The following COL4A4 variants were observed in gnomAD, a reference collection of about 807,000 sequenced individuals.
COL4A4 encodes collagen type IV alpha 4 chain.
In COL4A4, 105 loss-of-function variants were observed where a neutral mutation model predicts 192.9. That is an observed-to-expected ratio of 0.54 (90% CI 0.46 to 0.64). COL4A4 has a LOEUF of 0.64. Among genes scored for constraint, COL4A4 ranks in the 30% least tolerant of loss-of-function variants. The pLI is 0.00. For missense variants in COL4A4, 1,967 were observed against 2,169.3 expected (o/e 0.91, Z 1.85); for synonymous variants, 762 against 769.9 (o/e 0.99, Z 0.17).
Position 227,022,108 on chromosome 2 carries a change from C to T in COL4A4, c.4156G>A (p.Gly1386Ser). ...PRIPGLPGAPGMRGPEGAMGL... is the reference protein window; with the variant it reads ...PRIPGLPGAPSMRGPEGAMGL... ...ATGGCTCCTTCTGGTCCTCTCATGC[C>T]TGGCGCCCCAGGAAGGCCTGGGATT... The change falls in exon 44 of 48, where the codon GGC becomes AGC. Residue 1386 changes from glycine (G) to serine (S), a missense_variant. Gly to Ser is a moderately conservative substitution (Grantham distance 56). Coordinates refer to ENST00000396625, the MANE Select transcript of COL4A4 (RefSeq NM_000092.5). 6.2e-7 allele frequency: 1 copy of T among 1,614,178 alleles called. No homozygotes were observed. Among genetic ancestry groups the T allele is most frequent in the Non-Finnish European group, 8.5e-7 (1 of 1,180,034 alleles).
chr2:227,077,718 G>A (rs2059107881), intron 25 of COL4A4, among the ~76,000 whole-genome samples, 176 bp downstream of exon 25: 1 of 151,460 alleles, frequency 6.6e-6, no homozygotes, highest in Non-Finnish European at 1.5e-5. Flanking sequence ...AAAGAAGGAG[G>A]AGGGAGGAAA....
At chr2:227,077,317 AG>A (rs2059077614) in intron 25 of COL4A4, among the ~76,000 whole-genome samples, 1 of 152,204 alleles carries the variant, frequency 6.6e-6, no homozygotes, top group Non-Finnish European at 1.5e-5. Flanking sequence ...CCATAAAAAA[AG>A]AATGAGAACA....
rs1258281003 is a variant in COL4A4 at position 227,047,593 on chromosome 2, A to G, written c.3215-44T>C. On this transcript the variant is annotated intron_variant, in intron 34 of 47. Transcript: ENST00000396625. ...ATGTGACATTACTTTAGACAATTTA[A>G]TTTGGTCTCATACAGGTGACAGTAA... The G allele has an allele frequency of 3.7e-6, 5 of 1,348,446 alleles. No homozygotes were observed. In the East Asian group the frequency reaches 9.2e-5, roughly 25 times the overall value. 83.5% of individuals were successfully genotyped at this position (1,348,446 alleles called of 1,614,324 possible).
intron 25 of COL4A4, among the ~76,000 whole-genome samples, chr2:227,073,235 A>G (rs2058824776): frequency 6.6e-6 from 1 of 152,098 alleles, no homozygotes; most frequent in Non-Finnish European, 1.5e-5. Context: ...AATCAGTAGC[A>G]TTGCTATACA....
chr2:227,000,199 G>A (rs1326503776), downstream of COL4A4, among the ~76,000 whole-genome samples: 1 of 152,162 alleles, frequency 6.6e-6, no homozygotes, highest in African/African-American at 2.4e-5. Context: ...CAACCTCTCT[G>A]CTCTTCAGGG....
At chr2:226,987,890 C>T in the COL4A4 span, among the ~76,000 whole-genome samples, 2 of 152,188 alleles carry the variant, frequency 1.3e-5, no homozygotes, top group African/African-American at 2.4e-5. Context: ...CAATAATCTG[C>T]ATTTTGAACA....
chr2:227,150,605 G>A (rs1181838054), intron 1 of COL4A4, among the ~76,000 whole-genome samples: 1 of 152,200 alleles, frequency 6.6e-6, no homozygotes. Context: ...AAAGAAAAGA[G>A]GAGATTAATT....
At chr2:227,057,344 C>T in intron 29 of COL4A4, 95 bp downstream of exon 29, 1 of 1,428,122 alleles carries the variant, frequency 7.0e-7, no homozygotes, top group East Asian at 2.5e-5. Flanking sequence ...ACTCAGGACT[C>T]TTGCTTCTGG....
the COL4A4 span, among the ~76,000 whole-genome samples, chr2:226,983,049 T>A: frequency 6.6e-6 from 1 of 152,248 alleles, no homozygotes; most frequent in African/African-American, 2.4e-5. Context: ...AACCTACTTG[T>A]ACTAAACCAA....
intron 1 of COL4A4, among the ~76,000 whole-genome samples, chr2:227,156,395 T>TA (rs5839193): frequency 0.65 from 87,300 of 134,950 alleles, 27,786 homozygotes; most frequent in African/African-American, 0.75. Flanking sequence ...AAACCCCGTC[T>TA]AAAAAAAAAA....
At chr2:226,988,651 A>G in the COL4A4 span, 3 of 985,310 alleles carry the variant, frequency 3.0e-6, no homozygotes, top group East Asian at 2.3e-4. Context: ...TCTGAGAGGA[A>G]GGTAGGATTT....
intron 4 of COL4A4, among the ~76,000 whole-genome samples, chr2:227,139,119 C>A (rs1022314306): frequency 1.2e-4 from 19 of 152,154 alleles, no homozygotes; most frequent in African/African-American, 4.6e-4. Flanking sequence ...TTTCTCTCCA[C>A]CATATGAGGA....
rs541835572 is a variant in COL4A4, at chr2:227,050,087, A to G, written c.3195T>C (p.Asp1065=). Residue 1065 remains aspartate (D), a synonymous_variant, in exon 34 of 48, where the codon GAT becomes GAC. Transcript: ENST00000396625. ...CCATACCTTTAGGTCCTCTTGCTCC[A>G]TCAATTCCTGAAAATCCAGGGGGAC... ...SPGPPGFSGI[D]GARGPKGNKG... 3 of 1,614,204 alleles carry G rather than the reference A, an allele frequency of 1.9e-6. No individual in the cohort carries two copies. The highest frequency in any genetic ancestry group is 1.7e-5 in the Admixed American group (1 of 60,022).
the COL4A4 span, among the ~76,000 whole-genome samples, chr2:226,991,344 G>C: frequency 2.0e-4 from 31 of 152,186 alleles, no homozygotes; most frequent in African/African-American, 7.2e-4. Context: ...ACCACACCCA[G>C]CTAATTTTTG....
the COL4A4 span, among the ~76,000 whole-genome samples, chr2:226,977,633 TA>T: frequency 6.6e-6 from 1 of 152,172 alleles, no homozygotes; most frequent in African/African-American, 2.4e-5. Flanking sequence ...AGAAGCATAA[TA>T]GTTGTCATCC....
intron 25 of COL4A4, among the ~76,000 whole-genome samples, chr2:227,067,062 C>G (rs921673708): frequency 3.3e-5 from 5 of 151,728 alleles, no homozygotes; most frequent in African/African-American, 1.2e-4. Context: ...GCAGGGATTG[C>G]AATCCTAGTC....
At chr2:227,090,832 G>C (rs1229056904) in intron 20 of COL4A4, among the ~76,000 whole-genome samples, 1 of 147,920 alleles carries the variant, frequency 6.8e-6, no homozygotes, top group Non-Finnish European at 1.5e-5. Flanking sequence ...GAAAAAGGGA[G>C]AGGAACCAGC....
chr2:227,007,711 C>A, intron 47 of COL4A4, 123 bp from the exon 48 acceptor site: 1 of 1,351,948 alleles, frequency 7.4e-7, no homozygotes. Flanking sequence ...CCATAAAGAA[C>A]AAAATACAAG....
intron 25 of COL4A4, among the ~76,000 whole-genome samples, chr2:227,068,031 G>A (rs1408094548): frequency 1.5e-3 from 212 of 144,570 alleles, no homozygotes; most frequent in African/African-American, 5.3e-3. Context: ...AATGATAAAG[G>A]GGATATCACC....
Sources: allele counts gnomAD v4.1 joint callset (sites outside exome capture counted in the v4.1 genomes callset), GRCh38; gene constraint gnomAD v4.1.1; transcripts MANE v1.5; gene names NCBI Gene and HGNC (gene_info 2026-07-23, HGNC 2026-07-21).